EXOC4: variants seen among roughly 807,000 people sequenced by gnomAD.
The protein encoded by EXOC4 is SEC8-like 1.
Under a neutral mutation model 107.2 loss-of-function variants are expected in EXOC4, and 71 were observed. That is an observed-to-expected ratio of 0.66 (90% CI 0.55 to 0.81). The LOEUF (loss-of-function observed/expected upper bound fraction) is 0.81, where lower values mean the gene tolerates loss of function less well. Among genes scored for constraint, EXOC4 ranks in the 30% least tolerant of loss-of-function variants. EXOC4 has a pLI of 0.00. For synonymous variants in EXOC4, 456 were observed against 441.2 expected (o/e 1.03, Z -0.42); for missense variants, 1,108 against 1,189.6 (o/e 0.93, Z 1.01).
intron 10 of EXOC4, among the ~76,000 whole-genome samples, chr7:133,695,532 T>A (rs1270133081): frequency 6.6e-6 from 1 of 152,154 alleles, no homozygotes; most frequent in African/African-American, 2.4e-5. Flanking sequence ...GTTTCCACAT[T>A]TCACTTTCAC....
chr7:133,568,893 CAGATACAGTCTGAATTAGAATGTTG>C (rs746846940), intron 9 of EXOC4, among the ~76,000 whole-genome samples: 2 of 152,036 alleles, frequency 1.3e-5, no homozygotes, highest in Non-Finnish European at 2.9e-5. Context: ...TTTAGAAGAA[CAGATACAGTCTGAATTAGAATGTTG>C]ATGTACCGTG....
chr7:133,779,197 G>A (rs758777581), intron 10 of EXOC4, among the ~76,000 whole-genome samples: 1 of 152,192 alleles, frequency 6.6e-6, no homozygotes, highest in Non-Finnish European at 1.5e-5. Context: ...GTAGGCCACA[G>A]GGTTTTGCTT....
the EXOC4 span, among the ~76,000 whole-genome samples, chr7:134,077,503 C>G: frequency 5.9e-3 from 904 of 152,286 alleles, 15 homozygotes; most frequent in African/African-American, 0.02. Context: ...ACCACTGTTG[C>G]GGGATTCAGG....
At chr7:133,857,689 C>G (rs1798447465) in intron 11 of EXOC4, among the ~76,000 whole-genome samples, 1 of 151,890 alleles carries the variant, frequency 6.6e-6, no homozygotes. Context: ...CCGTGCAAGC[C>G]TACAGCTGGA....
intron 9 of EXOC4, among the ~76,000 whole-genome samples, chr7:133,481,773 G>A (rs1345977028): frequency 6.6e-6 from 1 of 152,112 alleles, no homozygotes; most frequent in South Asian, 2.1e-4. Flanking sequence ...TGTGCATGTC[G>A]AGAGTCTTGA....
At chr7:133,806,688 G>T (rs891969821) in intron 10 of EXOC4, among the ~76,000 whole-genome samples, 3 of 152,134 alleles carry the variant, frequency 2.0e-5, no homozygotes, top group Non-Finnish European at 4.4e-5. Context: ...TGATATTAAA[G>T]TATGTTGGAT....
At chr7:133,971,361 T>TATATATATATATAGAG (rs1489958236) in intron 14 of EXOC4, among the ~76,000 whole-genome samples, 12 of 75,066 alleles carry the variant, frequency 1.6e-4, no homozygotes, top group African/African-American at 2.4e-4. Context: ...TATATATATA[T>TATATATATATATAGAG]AGAGAGAGAG....
chr7:133,836,595 C>G (rs574748319), intron 11 of EXOC4, among the ~76,000 whole-genome samples: 1 of 152,186 alleles, frequency 6.6e-6, no homozygotes. Context: ...GCTCCTCTCT[C>G]TAAAGGCAGA....
chr7:133,748,736 G>C (rs1414373131), intron 10 of EXOC4, among the ~76,000 whole-genome samples: 4 of 152,136 alleles, frequency 2.6e-5, no homozygotes, highest in Admixed American at 2.6e-4. Context: ...GCATTTGCGA[G>C]AGATTCAGTG....
At chr7:133,300,930 T>C (rs1449125017) in intron 3 of EXOC4, among the ~76,000 whole-genome samples, 1 of 152,210 alleles carries the variant, frequency 6.6e-6, no homozygotes, top group East Asian at 1.9e-4. Flanking sequence ...AGTTTCTGTC[T>C]GATAAAGATA....
chr7:133,594,170 A>G (rs1801611038), intron 9 of EXOC4, among the ~76,000 whole-genome samples: 1 of 152,210 alleles, frequency 6.6e-6, no homozygotes, highest in Non-Finnish European at 1.5e-5. Flanking sequence ...CTTTGATGCA[A>G]AGTATCTGTT....
intron 10 of EXOC4, among the ~76,000 whole-genome samples, chr7:133,658,489 C>T (rs1226567236): frequency 2.0e-5 from 3 of 152,278 alleles, no homozygotes; most frequent in Non-Finnish European, 2.9e-5. Flanking sequence ...TGCTATGGGG[C>T]TCATGTTGCC....
intron 10 of EXOC4, among the ~76,000 whole-genome samples, chr7:133,699,780 G>C (rs980910770): frequency 6.6e-6 from 1 of 152,190 alleles, no homozygotes; most frequent in African/African-American, 2.4e-5. Flanking sequence ...AGGACCATCT[G>C]TGGGAGGTCC....
chr7:133,828,897 C>T (rs182133686), intron 11 of EXOC4, among the ~76,000 whole-genome samples: 20 of 152,256 alleles, frequency 1.3e-4, no homozygotes, highest in African/African-American at 3.9e-4. Context: ...ATTAGGAAAC[C>T]GGAATTCCTC....
rs145137226 is a variant in EXOC4, at chr7:133,675,120, C to T, written c.1514+44979C>T. Among the ~76,000 whole-genome samples, 37 of 152,246 alleles carry T rather than the reference C, an allele frequency of 2.4e-4. No homozygotes were observed. In the East Asian group the frequency reaches 7.0e-3, roughly 29 times the overall value. ...GTAAGTTAGTGTTTTCCATTTTCTTCACCCATGGAAAACCCTTAGTTTTGG... is the reference window on the plus strand; with the variant it reads ...GTAAGTTAGTGTTTTCCATTTTCTTTACCCATGGAAAACCCTTAGTTTTGG... On this transcript the variant is annotated intron_variant, in intron 10 of 17. Transcript: ENST00000253861.
intron 17 of EXOC4, among the ~76,000 whole-genome samples, chr7:134,049,825 T>A (rs530831655): frequency 1.9e-4 from 29 of 152,300 alleles, no homozygotes; most frequent in African/African-American, 7.0e-4. Context: ...TAAACAAATT[T>A]AAAAAGGACT....
chr7:133,876,867 G>T (rs757804767), intron 11 of EXOC4, among the ~76,000 whole-genome samples: 2 of 151,068 alleles, frequency 1.3e-5, no homozygotes, highest in Non-Finnish European at 2.9e-5. Context: ...TCTACTTATC[G>T]ATGATTTTCA....
At chr7:134,098,227 G>T in the EXOC4 span, among the ~76,000 whole-genome samples, 1 of 152,108 alleles carries the variant, frequency 6.6e-6, no homozygotes, top group Non-Finnish European at 1.5e-5. Flanking sequence ...ATGAAGAACC[G>T]CCAGTGGGTT....
At chr7:133,873,048 G>A (rs540716434) in intron 11 of EXOC4, among the ~76,000 whole-genome samples, 7 of 152,278 alleles carry the variant, frequency 4.6e-5, no homozygotes, top group South Asian at 2.1e-4. Context: ...AGTGGCTCAC[G>A]CCTATGATCC....
Sources: gnomAD v4.1 joint callset for allele counts (sites outside exome capture counted in the v4.1 genomes callset) on GRCh38, gnomAD v4.1.1 for gene constraint, MANE v1.5 for transcripts, NCBI Gene and HGNC (gene_info 2026-07-23, HGNC 2026-07-21) for gene names.